TRMT44: variants seen among roughly 807,000 people sequenced by gnomAD.
TRMT44 encodes the protein tRNA methyltransferase 44 homolog.
TRMT44 carries 78 observed loss-of-function variants against 77.3 expected under a neutral mutation model. The ratio of observed to expected loss-of-function variants is 1.01; its 90% CI spans 0.84 to 1.22. The LOEUF (loss-of-function observed/expected upper bound fraction) is 1.22, where lower values mean the gene tolerates loss of function less well. TRMT44 is among the 50% of genes most tolerant of loss of function. TRMT44 has a pLI of 0.00. For missense variants in TRMT44, 1,090 were observed against 964.4 expected, an observed-to-expected ratio of 1.13 and a Z score of -1.73; for synonymous variants, 391 against 383.3, an observed-to-expected ratio of 1.02 and a Z score of -0.23.
At chr4:8,460,919 G>A (rs62287387) in intron 6 of TRMT44, among the ~76,000 whole-genome samples, 4,135 of 152,096 alleles carry the variant, frequency 0.027, 68 homozygotes, top group South Asian at 0.04. Flanking sequence ...ATGTGATCAC[G>A]GCTCACTGTG....
At chr4:8,447,027 C>T (rs1039720074) in intron 2 of TRMT44, among the ~76,000 whole-genome samples, 2 of 152,280 alleles carry the variant, frequency 1.3e-5, no homozygotes, top group South Asian at 4.1e-4. Context: ...AGGCACCCAC[C>T]ACCACACCCG....
chr4:8,510,575 C>A, the TRMT44 span: 6,675 of 152,720 alleles, frequency 0.044, 214 homozygotes, highest in African/African-American at 0.094. Context: ...ATTCTGCTGA[C>A]CCCCGATGGC....
chr4:8,497,965 T>C (rs1031440492), downstream of TRMT44, among the ~76,000 whole-genome samples: 1 of 152,216 alleles, frequency 6.6e-6, no homozygotes, highest in African/African-American at 2.4e-5. Context: ...GCAGGAGCTG[T>C]GCCCTCTGCT....
chr4:8,441,253 C>A lies in TRMT44; in HGVS notation c.431C>A (p.Ser144Ter). The A allele has an allele frequency of 6.5e-7, 1 of 1,535,564 alleles. No individual in the cohort carries two copies. The highest frequency in any genetic ancestry group is 8.7e-7 in the Non-Finnish European group (1 of 1,146,630). ...GACTTCCCCGCCGCAGATCTGGATT[C>A]GCTTTGGGAGGATTTCTCCCAAAGT... Reference protein sequence around the residue: ...EGDFPAADLDSLWEDFSQSLA... With the variant: ...EGDFPAADLD Residue 144 changes from serine (S) to a stop codon, truncating the protein, a stop_gained, in exon 1 of 11, where the codon TCG becomes TAG. Transcript: ENST00000389737. LOFTEE classifies it high-confidence loss of function.
At position 8,451,514 on chromosome 4, in the gene TRMT44, T is replaced by C. The variant is rs1725450379; in HGVS notation, c.955-446T>C. Among the ~76,000 whole-genome samples the C allele has an allele frequency of 1.3e-5, 2 of 152,238 alleles. No homozygotes were observed. The highest frequency in any genetic ancestry group is 6.5e-5 in the Admixed American group (1 of 15,280). Reference sequence around the variant, plus strand: ...GTGTGTTAGTTGAGGCATGGCTTTATCCCTGTTTGACAGGTAGGGCGACAG... The same window carrying C: ...GTGTGTTAGTTGAGGCATGGCTTTACCCCTGTTTGACAGGTAGGGCGACAG... On this transcript the variant is annotated intron_variant, in intron 3 of 10. Transcript: ENST00000389737. The surrounding 1 kb of genome is among the most constrained non-coding windows in gnomAD (Gnocchi z 4.1).
chr4:8,474,726 C>T (rs996123136), intron 10 of TRMT44, among the ~76,000 whole-genome samples: 8 of 152,174 alleles, frequency 5.3e-5, no homozygotes, highest in Admixed American at 3.3e-4. Context: ...TAGCTTCCAG[C>T]GAGAACCAGG....
chr4:8,505,391 G>A, the TRMT44 span, among the ~76,000 whole-genome samples: 1 of 152,170 alleles, frequency 6.6e-6, no homozygotes, highest in African/African-American at 2.4e-5. Flanking sequence ...TGGGAGGCCA[G>A]CACTCAGCCC....
chr4:8,508,316 C>T, the TRMT44 span, among the ~76,000 whole-genome samples: 3 of 152,200 alleles, frequency 2.0e-5, no homozygotes, highest in African/African-American at 7.2e-5. Flanking sequence ...AGGACGTGAC[C>T]TTGTTATTAG....
At chr4:8,464,183 A>G (rs1224028673) in intron 7 of TRMT44, 92 bp downstream of exon 7, 6 of 934,186 alleles carry the variant, frequency 6.4e-6, no homozygotes, top group Non-Finnish European at 8.3e-6. Flanking sequence ...AGCTGCGTGC[A>G]GTTGTCAAGC....
At chr4:8,469,641 C>T (rs1374721674) in intron 9 of TRMT44, among the ~76,000 whole-genome samples, 1 of 152,196 alleles carries the variant, frequency 6.6e-6, no homozygotes, top group East Asian at 1.9e-4. Context: ...GCGGTGGGCT[C>T]AGTCCTGCCT....
intron 8 of TRMT44, among the ~76,000 whole-genome samples, chr4:8,466,708 A>G (rs979362406): frequency 1.3e-5 from 2 of 152,040 alleles, no homozygotes; most frequent in Non-Finnish European, 2.9e-5. Flanking sequence ...TGATTTTTGC[A>G]CTTGCTTCTC....
chr4:8,458,044 A>G (rs1413553283), intron 6 of TRMT44, among the ~76,000 whole-genome samples: 1 of 151,888 alleles, frequency 6.6e-6, no homozygotes, highest in Admixed American at 6.5e-5. Flanking sequence ...AGAATATGTA[A>G]AAGAGACAGT....
the TRMT44 span, among the ~76,000 whole-genome samples, chr4:8,499,830 C>T: frequency 6.6e-6 from 1 of 151,834 alleles, no homozygotes; most frequent in Admixed American, 6.6e-5. Flanking sequence ...ACTGAGTACC[C>T]GGGTGATGAA....
intron 2 of TRMT44, among the ~76,000 whole-genome samples, chr4:8,491,458 G>A (rs564510049): frequency 6.0e-4 from 91 of 152,370 alleles, no homozygotes; most frequent in African/African-American, 2.1e-3. Flanking sequence ...CGTGGAGCAG[G>A]GGGTGGTGCT....
chr4:8,470,057 A>G (rs2109174851), intron 9 of TRMT44, among the ~76,000 whole-genome samples: 1 of 152,390 alleles, frequency 6.6e-6, no homozygotes, highest in East Asian at 1.9e-4. Flanking sequence ...CCAGGCCAGG[A>G]GGCACCCATG....
At chr4:8,478,915 T>G (rs1008675670), downstream of TRMT44, 1 of 152,206 alleles carries the variant, frequency 6.6e-6, no homozygotes, top group Non-Finnish European at 1.5e-5. Context: ...CAGGCGCCCT[T>G]GTGGAGTTAC....
chr4:8,455,707 T>G (rs977706062), intron 6 of TRMT44, among the ~76,000 whole-genome samples: 3 of 152,246 alleles, frequency 2.0e-5, no homozygotes, highest in African/African-American at 7.2e-5. Context: ...TTTTCTGAAG[T>G]CTTTGACAAT....
rs572488613 is a variant in TRMT44 at position 8,474,765 on chromosome 4, A to G, written c.2045-1007A>G. On this transcript the variant is annotated intron_variant, in intron 10 of 10. Coordinates refer to ENST00000389737, the MANE Select transcript of TRMT44 (RefSeq NM_152544.3). ...GAGGTGGTTGCTTTGGCCATGTTTC[A>G]CGGGGAGTTGTTGGATTCCCACAAG... is the stretch of plus-strand genomic sequence containing the variant. Among the ~76,000 whole-genome samples the G allele has an allele frequency of 2.0e-5, 3 of 152,190 alleles. No homozygotes were observed. The South Asian group carries it at 6.2e-4, about 32-fold the overall frequency.
chr4:8,447,969 G>A (rs897510561), intron 2 of TRMT44, among the ~76,000 whole-genome samples: 1 of 152,232 alleles, frequency 6.6e-6, no homozygotes, highest in Non-Finnish European at 1.5e-5. Context: ...CTGCGTTGGA[G>A]TGACTTTCAT....
Sources: gnomAD v4.1 joint callset for allele counts (sites outside exome capture counted in the v4.1 genomes callset) on GRCh38, gnomAD v4.1.1 for gene constraint, Gnocchi (gnomAD v3.1) non-coding constraint, MANE v1.5 for transcripts, NCBI Gene and HGNC (gene_info 2026-07-23, HGNC 2026-07-21) for gene names.